Variants in MIER1 observed in about 807,000 individuals in gnomAD.
MIER1 encodes mesoderm induction early response protein 1.
In MIER1, 40 loss-of-function variants were observed where a neutral mutation model predicts 75.7. The observed-to-expected ratio is 0.53, with a 90% CI of 0.41 to 0.69. MIER1 has a LOEUF of 0.69. Ranked by LOEUF, MIER1 falls within the 30% of genes least tolerant of loss-of-function variation. The probability of loss-of-function intolerance (pLI) is 0.00; values close to 1 mark genes in which losing one functional copy is unlikely to be tolerated. For missense variants in MIER1, 574 were observed against 680.2 expected (o/e 0.84, Z 1.74); for synonymous variants, 213 against 223.4 (o/e 0.95, Z 0.42).
chr1:66,952,785 G>A (rs1439937514), intron 4 of MIER1, among the ~76,000 whole-genome samples: 1 of 152,158 alleles, frequency 6.6e-6, no homozygotes, highest in East Asian at 1.9e-4. Context: ...GGGACTACGG[G>A]CATGCGCTGC....
At chr1:66,959,927 TC>T (rs1660927191) in intron 7 of MIER1, 184 bp downstream of exon 7, 1 of 313,048 alleles carries the variant, frequency 3.2e-6, no homozygotes, top group African/African-American at 2.2e-5. Flanking sequence ...AGATTAGAAA[TC>T]TACATTTCTG....
chr1:66,950,255 T>C (rs1040723475), intron 4 of MIER1, among the ~76,000 whole-genome samples: 1 of 152,160 alleles, frequency 6.6e-6, no homozygotes, highest in Admixed American at 6.6e-5. Context: ...ATTATAGGCA[T>C]GTGCCACCAA....
chr1:66,953,136 TC>T (rs1659347888), intron 4 of MIER1, among the ~76,000 whole-genome samples: 1 of 152,234 alleles, frequency 6.6e-6, no homozygotes, highest in Non-Finnish European at 1.5e-5. Flanking sequence ...TCCAATTATG[TC>T]AGCTACTATG....
intron 4 of MIER1, among the ~76,000 whole-genome samples, chr1:66,951,884 C>T (rs549149867): frequency 6.6e-6 from 1 of 152,286 alleles, no homozygotes; most frequent in African/African-American, 2.4e-5. Flanking sequence ...AGTATATATG[C>T]ATATGTACAG....
At chr1:66,981,491 C>G (rs528960278) in intron 12 of MIER1, among the ~76,000 whole-genome samples, 1 of 152,270 alleles carries the variant, frequency 6.6e-6, no homozygotes, top group African/African-American at 2.4e-5. Flanking sequence ...TCTTCCAGTT[C>G]TAGTTGGGCC....
At chr1:66,941,427 A>AT (rs966449883) in intron 3 of MIER1, among the ~76,000 whole-genome samples, 298 of 149,514 alleles carry the variant, frequency 2.0e-3, no homozygotes, top group African/African-American at 6.7e-3. Flanking sequence ...ATTATTTCCG[A>AT]TTTTTTTTTT....
At chr1:66,945,168 A>G (rs1022535495) in intron 3 of MIER1, among the ~76,000 whole-genome samples, 16 of 152,036 alleles carry the variant, frequency 1.1e-4, no homozygotes, top group African/African-American at 3.6e-4. Flanking sequence ...TCCCTCGGAT[A>G]CCAAAATCGT....
intron 4 of MIER1, among the ~76,000 whole-genome samples, chr1:66,953,344 T>C (rs990807575): frequency 6.6e-6 from 1 of 152,220 alleles, no homozygotes; most frequent in Non-Finnish European, 1.5e-5. Flanking sequence ...ATACATGCTA[T>C]TGCAATTTGA....
chr1:66,984,529 C>G, intron 13 of MIER1, 43 bp from the exon 14 acceptor site: 1 of 1,454,144 alleles, frequency 6.9e-7, no homozygotes, highest in African/African-American at 1.4e-5. Flanking sequence ...GCAAATTTAA[C>G]TTTTTTCTAA....
At chr1:66,942,990 T>C (rs7555420) in intron 3 of MIER1, among the ~76,000 whole-genome samples, 5,980 of 152,288 alleles carry the variant, frequency 0.039, 147 homozygotes, top group Non-Finnish European at 0.054. Context: ...GAATTAAGCA[T>C]AATTATTTTT....
chr1:66,935,544 AT>A (rs951526375), intron 2 of MIER1, among the ~76,000 whole-genome samples: 3 of 152,198 alleles, frequency 2.0e-5, no homozygotes, highest in African/African-American at 7.2e-5. Flanking sequence ...GAAAATGAAA[AT>A]GTCTCATAAT....
intron 11 of MIER1, among the ~76,000 whole-genome samples, chr1:66,973,248 T>TA (rs1386031088): frequency 6.6e-6 from 1 of 152,100 alleles, no homozygotes; most frequent in African/African-American, 2.4e-5. Context: ...AATCAACTTC[T>TA]AGTTGGGGTG....
chr1:66,926,098 GT>G (rs1558003715), intron 1 of MIER1, 43 bp from the exon 2 acceptor site: 2 of 1,481,912 alleles, frequency 1.3e-6, no homozygotes, highest in Non-Finnish European at 9.4e-7. Context: ...TTGTATCATC[GT>G]TTCTGTCTCC....
rs892421218 is a variant in MIER1, at chr1:66,981,829, G to A, written c.1280G>A (p.Arg427Gln). 6 of 1,613,966 alleles carry A rather than the reference G, an allele frequency of 3.7e-6. No individual in the cohort carries two copies. Among genetic ancestry groups the A allele is most frequent in the South Asian group, 2.2e-5 (2 of 91,068 alleles). ...GAAAGTGAAAGTGCTGCATCTAGTC[G>A]AGCACCATCCCCTCCCCCAACTGCA... ...LDESESAASS[R>Q]APSPPPTASN... Residue 427 changes from arginine to glutamine, a missense_variant, in exon 13 of 14, where the codon CGA becomes CAA. Arg to Gln is a conservative substitution (Grantham distance 43). Coordinates refer to ENST00000401041, the MANE Select transcript of MIER1 (RefSeq NM_001077700.3).
intron 12 of MIER1, among the ~76,000 whole-genome samples, chr1:66,979,498 C>T (rs1453611337): frequency 6.6e-6 from 1 of 152,126 alleles, no homozygotes; most frequent in Non-Finnish European, 1.5e-5. Flanking sequence ...AATTGGGAAC[C>T]TTATTGGAGA....
At chr1:66,980,020 T>C (rs1419792046) in intron 12 of MIER1, among the ~76,000 whole-genome samples, 2 of 152,214 alleles carry the variant, frequency 1.3e-5, no homozygotes, top group Non-Finnish European at 2.9e-5. Context: ...TGCCTCGGCC[T>C]CCCAAAGTGC....
At chr1:66,961,504 A>G (rs1461248269) in intron 7 of MIER1, among the ~76,000 whole-genome samples, 1 of 152,254 alleles carries the variant, frequency 6.6e-6, no homozygotes, top group Non-Finnish European at 1.5e-5. Flanking sequence ...GAACAAATTA[A>G]CAGATGAAAA....
At chr1:66,935,123 T>A (rs550312121) in intron 2 of MIER1, among the ~76,000 whole-genome samples, 174 of 152,354 alleles carry the variant, frequency 1.1e-3, no homozygotes, top group African/African-American at 3.8e-3. Context: ...TTGTTAGGGT[T>A]TTTTTGGTGA....
At chr1:66,938,951 A>G (rs748928224) in intron 2 of MIER1, among the ~76,000 whole-genome samples, 28 of 152,168 alleles carry the variant, frequency 1.8e-4, no homozygotes, top group Non-Finnish European at 2.6e-4. Flanking sequence ...TTAATACTTT[A>G]TAGGAATTTG....
Sources: allele counts gnomAD v4.1 joint callset (sites outside exome capture counted in the v4.1 genomes callset), GRCh38; gene constraint gnomAD v4.1.1; transcripts MANE v1.5; gene names NCBI Gene and HGNC (gene_info 2026-07-23, HGNC 2026-07-21).